Variants in POLN observed in about 807,000 individuals in gnomAD.
POLN encodes the protein DNA polymerase nu, also known as DNA polymerase N.
Under a neutral mutation model 113.5 loss-of-function variants are expected in POLN, and 108 were observed. The observed-to-expected ratio is 0.95, with a 90% CI of 0.81 to 1.12. POLN has a LOEUF of 1.12. Among genes scored for constraint, POLN ranks in the 50% most tolerant of loss-of-function variants. The probability of loss-of-function intolerance (pLI) is 0.00; values close to 1 mark genes in which losing one functional copy is unlikely to be tolerated. For synonymous variants in POLN, 386 were observed against 391.5 expected (o/e 0.99, Z 0.17); for missense variants, 1,097 against 1,077.1 (o/e 1.02, Z -0.26).
At chr4:2,211,914 C>T (rs2108765874) in intron 4 of POLN, among the ~76,000 whole-genome samples, 1 of 152,216 alleles carries the variant, frequency 6.6e-6, no homozygotes, top group South Asian at 2.1e-4. Context: ...AGTCTGTTCA[C>T]CACTGAGAGA....
intron 13 of POLN, among the ~76,000 whole-genome samples, chr4:2,160,614 G>T (rs566015668): frequency 3.5e-4 from 54 of 152,158 alleles, no homozygotes; most frequent in African/African-American, 1.3e-3. Context: ...TCGCCATGTT[G>T]CCCAGGCTGG....
intron 19 of POLN, among the ~76,000 whole-genome samples, chr4:2,122,623 C>T (rs1244470128): frequency 6.6e-6 from 1 of 152,184 alleles, no homozygotes; most frequent in African/African-American, 2.4e-5. Flanking sequence ...TTGAACCCCA[C>T]ACACCTGTGG....
At chr4:2,202,198 A>G (rs1276792265) in intron 5 of POLN, among the ~76,000 whole-genome samples, 1 of 152,230 alleles carries the variant, frequency 6.6e-6, no homozygotes, top group Non-Finnish European at 1.5e-5. Flanking sequence ...ACATCTCAAT[A>G]CTAACGTTGA....
At chr4:2,213,880 T>C (rs112364250) in intron 3 of POLN, among the ~76,000 whole-genome samples, 52 of 152,262 alleles carry the variant, frequency 3.4e-4, no homozygotes, top group African/African-American at 1.2e-3. Flanking sequence ...GCAATTCCAA[T>C]TGGAGACCCT....
intron 16 of POLN, among the ~76,000 whole-genome samples, chr4:2,145,587 G>A (rs546210177): frequency 6.6e-6 from 1 of 152,258 alleles, no homozygotes; most frequent in African/African-American, 2.4e-5. Flanking sequence ...TGTGAATTAA[G>A]TCACAATAAG....
At chr4:2,155,348 A>G (rs1270885675) in intron 16 of POLN, among the ~76,000 whole-genome samples, 1 of 152,186 alleles carries the variant, frequency 6.6e-6, no homozygotes, top group African/African-American at 2.4e-5. Context: ...AGAGCTCCCT[A>G]AAGTGCAAGG....
intron 13 of POLN, among the ~76,000 whole-genome samples, chr4:2,167,716 T>C (rs1222392460): frequency 6.6e-6 from 1 of 152,010 alleles, no homozygotes; most frequent in Non-Finnish European, 1.5e-5. Context: ...CTGGCCAACA[T>C]GGGGAAACAC....
chr4:2,229,304 A>T, intron 2 of POLN, 61 bp from the exon 3 acceptor site: 1 of 1,328,248 alleles, frequency 7.5e-7, no homozygotes, highest in African/African-American at 1.5e-5. Flanking sequence ...ATAAAACAGG[A>T]AATACAATTA....
At chr4:2,180,395 C>G (rs936436046) in intron 7 of POLN, among the ~76,000 whole-genome samples, 1 of 152,090 alleles carries the variant, frequency 6.6e-6, no homozygotes, top group Non-Finnish European at 1.5e-5. Flanking sequence ...TTGTGCCATA[C>G]AAAAGTAAGG....
chr4:2,166,119 C>G (rs1399705072), intron 13 of POLN, among the ~76,000 whole-genome samples: 1 of 152,150 alleles, frequency 6.6e-6, no homozygotes, highest in African/African-American at 2.4e-5. Flanking sequence ...TAGTTGCTCC[C>G]TTACTTAAAC....
chr4:2,220,978 TCTC>T (rs76422672), intron 3 of POLN, among the ~76,000 whole-genome samples: 12,525 of 151,986 alleles, frequency 0.082, 760 homozygotes, highest in African/African-American at 0.16. Flanking sequence ...CCCAAAAACT[TCTC>T]CTGAAGTATT....
In POLN at chr4:2,085,648, A is replaced by T; in HGVS notation, c.2162T>A (p.Phe721Tyr). Reference protein sequence around the residue: ...FLQKYKKIKDFARAAIAQCHQ... With the variant: ...FLQKYKKIKDYARAAIAQCHQ... ...ACACTGGGCAATAGCTGCTCGGGCG[A>T]AGTCCTTGATTTTCTTGTACTTCTG... The change falls in exon 21 of 26, where the codon TTC becomes TAC. Residue 721 changes from phenylalanine (F) to tyrosine (Y), a missense_variant. Coordinates refer to ENST00000511885, the MANE Select transcript of POLN (RefSeq NM_181808.4). 6.2e-7 allele frequency: 1 copy of T among 1,614,100 alleles called. No homozygotes were observed. Among genetic ancestry groups the T allele is most frequent in the Non-Finnish European group, 8.5e-7 (1 of 1,180,040 alleles).
At chr4:2,156,145 T>A (rs1235375246) in intron 16 of POLN, among the ~76,000 whole-genome samples, 6 of 152,198 alleles carry the variant, frequency 3.9e-5, no homozygotes, top group Non-Finnish European at 8.8e-5. Context: ...AAAATTGTAT[T>A]TTATAAATAT....
chr4:2,214,788 T>C (rs750611595), intron 3 of POLN, among the ~76,000 whole-genome samples: 1 of 152,094 alleles, frequency 6.6e-6, no homozygotes, highest in Non-Finnish European at 1.5e-5. Flanking sequence ...GGAATGCTAG[T>C]TATGTTTCCT....
intron 20 of POLN, among the ~76,000 whole-genome samples, chr4:2,092,002 A>G (rs1560980834): frequency 2.0e-5 from 3 of 151,910 alleles, no homozygotes; most frequent in African/African-American, 4.8e-5. Flanking sequence ...ATTGAATCCT[A>G]CGCTGCTTTC....
At chr4:2,163,748 C>A (rs1473316369) in intron 13 of POLN, among the ~76,000 whole-genome samples, 1 of 152,262 alleles carries the variant, frequency 6.6e-6, no homozygotes, top group Non-Finnish European at 1.5e-5. Flanking sequence ...TTTTCCAAAT[C>A]TCCGGGCAGG....
At chr4:2,136,041 T>C (rs1005284033) in intron 16 of POLN, among the ~76,000 whole-genome samples, 1 of 152,046 alleles carries the variant, frequency 6.6e-6, no homozygotes, top group Non-Finnish European at 1.5e-5. Flanking sequence ...TTTGTTGGAG[T>C]CAATCATGTT....
intron 2 of POLN, among the ~76,000 whole-genome samples, chr4:2,237,826 T>A (rs1023127247): frequency 1.3e-5 from 2 of 152,170 alleles, no homozygotes; most frequent in African/African-American, 2.4e-5. Context: ...CAGAATTTTT[T>A]AAATAGTTAT....
At chr4:2,082,286 G>A (rs1429951195) in intron 21 of POLN, among the ~76,000 whole-genome samples, 1 of 152,146 alleles carries the variant, frequency 6.6e-6, no homozygotes, top group African/African-American at 2.4e-5. Context: ...GTACTCTCCT[G>A]ACTTCCAGCT....
Sources: allele counts gnomAD v4.1 joint callset (sites outside exome capture counted in the v4.1 genomes callset), GRCh38; gene constraint gnomAD v4.1.1; transcripts MANE v1.5; gene names NCBI Gene and HGNC (gene_info 2026-07-23, HGNC 2026-07-21).